The following NALF1 variants were observed in gnomAD, a reference collection of about 807,000 sequenced individuals.
The protein encoded by NALF1 is family with sequence similarity 155 member A.
NALF1 carries 3 observed loss-of-function variants against 48.4 expected under a neutral mutation model. That is an observed-to-expected ratio of 0.06 (90% CI 0.03 to 0.16). The LOEUF (loss-of-function observed/expected upper bound fraction) is 0.16. Ranked by LOEUF, NALF1 falls within the 10% of genes least tolerant of loss-of-function variation. The pLI is 1.00. For missense variants in NALF1, 526 were observed against 571.5 expected, an observed-to-expected ratio of 0.92 and a Z score of 0.81; for synonymous variants, 262 against 245.7, an observed-to-expected ratio of 1.07 and a Z score of -0.62.
In NALF1 at chr13:107,867,362, G is replaced by A. The variant is rs1474934787; in HGVS notation, c.-766C>T. Among the ~76,000 whole-genome samples the A allele has an allele frequency of 6.9e-6, 1 of 143,982 alleles. No individual in the cohort carries two copies. Among genetic ancestry groups the A allele is most frequent in the Admixed American group, 7.0e-5 (1 of 14,384 alleles). The allele number at this position is 143,982 out of a possible 152,430, so 94.5% of individuals were successfully genotyped here. ...AGGGCCGCCCGCGGGCGCCGCCGCC[G>A]GGGCTCCGACTGCTGACGCCGCCTC... On this transcript the variant is annotated 5_prime_UTR_variant, in exon 1 of 3. Coordinates refer to ENST00000375915, the MANE Select transcript of NALF1 (RefSeq NM_001080396.3). The surrounding 1 kb of genome is among the most constrained non-coding windows in gnomAD (Gnocchi z 4.4).
chr13:107,750,168 C>T (rs1242158709), intron 1 of NALF1, among the ~76,000 whole-genome samples: 3 of 152,114 alleles, frequency 2.0e-5, no homozygotes, highest in Non-Finnish European at 2.9e-5. Flanking sequence ...AGTGCATGGT[C>T]GCCACTTGCC....
intron 1 of NALF1, among the ~76,000 whole-genome samples, chr13:107,589,950 C>T (rs555428237): frequency 6.6e-6 from 1 of 151,966 alleles, no homozygotes; most frequent in Non-Finnish European, 1.5e-5. Flanking sequence ...ACTTCCACCA[C>T]TTCTATTACG....
chr13:107,517,067 C>T (rs988581136), intron 1 of NALF1, among the ~76,000 whole-genome samples: 1 of 152,078 alleles, frequency 6.6e-6, no homozygotes, highest in African/African-American at 2.4e-5. Flanking sequence ...TATATTCCTT[C>T]CTCATTATTT....
chr13:107,326,438 C>T (rs1481238939), intron 1 of NALF1, among the ~76,000 whole-genome samples: 1 of 152,104 alleles, frequency 6.6e-6, no homozygotes, highest in Admixed American at 6.6e-5. Context: ...CCATGCAAGA[C>T]ATTGTAATAA....
chr13:107,633,964 T>C (rs1879906609), intron 1 of NALF1, among the ~76,000 whole-genome samples: 1 of 143,346 alleles, frequency 7.0e-6, no homozygotes, highest in East Asian at 2.2e-4. Flanking sequence ...TGGATATACA[T>C]ACATACATCC....
At chr13:107,519,527 A>G (rs1254147625) in intron 1 of NALF1, among the ~76,000 whole-genome samples, 1 of 152,182 alleles carries the variant, frequency 6.6e-6, no homozygotes, top group Non-Finnish European at 1.5e-5. Context: ...CACTCAGTCC[A>G]TGGTTTATCC....
At chr13:107,317,821 G>T (rs1271403255) in intron 1 of NALF1, among the ~76,000 whole-genome samples, 2 of 151,792 alleles carry the variant, frequency 1.3e-5, no homozygotes, top group African/African-American at 4.8e-5. Flanking sequence ...GAGAGAAAAT[G>T]AAGCATTAAA....
chr13:107,294,609 C>T (rs1384718618), intron 1 of NALF1, among the ~76,000 whole-genome samples: 2 of 152,180 alleles, frequency 1.3e-5, no homozygotes, highest in South Asian at 2.1e-4. Context: ...TGCTTAACAA[C>T]GCTATGGGGT....
chr13:107,440,144 G>T (rs1884532461), intron 1 of NALF1, among the ~76,000 whole-genome samples: 1 of 152,022 alleles, frequency 6.6e-6, no homozygotes, highest in Non-Finnish European at 1.5e-5. Context: ...ATCAATGAGG[G>T]GCTTGTGGTA....
intron 1 of NALF1, among the ~76,000 whole-genome samples, chr13:107,353,456 C>T (rs1398259762): frequency 1.3e-5 from 2 of 152,182 alleles, no homozygotes; most frequent in Non-Finnish European, 2.9e-5. Context: ...AGCCACATTG[C>T]CACCTGGCAA....
chr13:107,799,333 T>A (rs1180199712), intron 1 of NALF1, among the ~76,000 whole-genome samples: 4 of 152,164 alleles, frequency 2.6e-5, no homozygotes, highest in Non-Finnish European at 5.9e-5. Context: ...CAGCAGAAGA[T>A]CCCTTGCAGG....
intron 1 of NALF1, among the ~76,000 whole-genome samples, chr13:107,323,119 G>C (rs907922781): frequency 6.6e-6 from 1 of 152,110 alleles, no homozygotes; most frequent in Non-Finnish European, 1.5e-5. Context: ...GCAAGGACCA[G>C]TTAAGAGACC....
intron 1 of NALF1, among the ~76,000 whole-genome samples, chr13:107,326,374 G>C (rs1006661536): frequency 6.6e-6 from 1 of 152,048 alleles, no homozygotes; most frequent in Admixed American, 6.6e-5. Flanking sequence ...CCAGTCACAG[G>C]TATTAGAGCG....
At chr13:107,196,492 A>G (rs889506153) in intron 2 of NALF1, among the ~76,000 whole-genome samples, 3 of 152,254 alleles carry the variant, frequency 2.0e-5, no homozygotes, top group East Asian at 1.9e-4. Flanking sequence ...AGAATATAAC[A>G]TAGAATATTT....
chr13:107,693,874 C>T (rs923804539), intron 1 of NALF1, among the ~76,000 whole-genome samples: 4 of 152,152 alleles, frequency 2.6e-5, no homozygotes, highest in African/African-American at 9.7e-5. Flanking sequence ...CACACACTGA[C>T]TTCATGGTTT....
At chr13:107,509,607 C>G (rs1037796535) in intron 1 of NALF1, among the ~76,000 whole-genome samples, 20 of 152,120 alleles carry the variant, frequency 1.3e-4, no homozygotes, top group African/African-American at 4.6e-4. Flanking sequence ...TTCAGTATAT[C>G]TTATTATATG....
chr13:107,805,950 A>G (rs1281041084), intron 1 of NALF1, among the ~76,000 whole-genome samples: 1 of 152,224 alleles, frequency 6.6e-6, no homozygotes, highest in Non-Finnish European at 1.5e-5. Context: ...GTAGGTTTAA[A>G]AAAAGTGTTG....
chr13:107,320,479 C>G (rs1318298148), intron 1 of NALF1, among the ~76,000 whole-genome samples: 1 of 152,056 alleles, frequency 6.6e-6, no homozygotes, highest in African/African-American at 2.4e-5. Context: ...CACATCAACT[C>G]CTTAGTTGCA....
At chr13:107,537,799 C>A (rs965391017) in intron 1 of NALF1, among the ~76,000 whole-genome samples, 1 of 152,240 alleles carries the variant, frequency 6.6e-6, no homozygotes, top group East Asian at 1.9e-4. Context: ...AGGTAGATCA[C>A]TTGAGGTCAG....
Sources: allele counts gnomAD v4.1 joint callset (sites outside exome capture counted in the v4.1 genomes callset), GRCh38; gene constraint gnomAD v4.1.1; non-coding constraint Gnocchi (gnomAD v3.1); transcripts MANE v1.5; gene names NCBI Gene and HGNC (gene_info 2026-07-23, HGNC 2026-07-21).